Variants in MTFMT observed in about 807,000 individuals in gnomAD.
MTFMT encodes mitochondrial methionyl-tRNA formyltransferase, also known as methionyl-tRNA formyltransferase, mitochondrial.
MTFMT carries 47 observed loss-of-function variants against 51.8 expected under a neutral mutation model. That is an observed-to-expected ratio of 0.91 (90% CI 0.72 to 1.16). The LOEUF (loss-of-function observed/expected upper bound fraction) is 1.16. Ranked by LOEUF, MTFMT falls within the 50% of genes most tolerant of loss-of-function variation. The pLI is 0.00. For synonymous variants in MTFMT, 196 were observed against 176.7 expected, an observed-to-expected ratio of 1.11 and a Z score of -0.87; for missense variants, 512 against 482.3, an observed-to-expected ratio of 1.06 and a Z score of -0.58.
chr15:65,026,956 T>C lies in MTFMT; in HGVS notation c.294A>G (p.Gln98=). The change falls in exon 2 of 9, where the codon CAA becomes CAG. Residue 98 remains glutamine, a synonymous_variant. Coordinates refer to ENST00000220058, the MANE Select transcript of MTFMT (RefSeq NM_139242.4). ...SPSPKGLPVK[Q]YAVQSQLPVY... is the part of the protein sequence containing the mutation. ...CGGGAAGCTGAGACTGCACAGCATA[T>C]TGCTTCACTGGCAGTCCTTTTGGTG... 1 of 1,613,992 alleles carries C rather than the reference T, an allele frequency of 6.2e-7. No individual in the cohort carries two copies. Among genetic ancestry groups the C allele is most frequent in the Non-Finnish European group, 8.5e-7 (1 of 1,179,872 alleles).
intron 6 of MTFMT, among the ~76,000 whole-genome samples, chr15:65,008,041 G>C (rs899478202): frequency 6.6e-6 from 1 of 151,976 alleles, no homozygotes; most frequent in Non-Finnish European, 1.5e-5. Flanking sequence ...AAATTATTCA[G>C]TTGTGCTTTT....
intron 5 of MTFMT, among the ~76,000 whole-genome samples, chr15:65,018,576 T>C (rs959963993): frequency 3.5e-4 from 54 of 152,296 alleles, no homozygotes; most frequent in African/African-American, 1.3e-3. Context: ...TCTCTAATTA[T>C]CAACCCCACT....
intron 5 of MTFMT, 117 bp downstream of exon 5, chr15:65,020,080 A>G (rs2086358526): frequency 2.3e-6 from 2 of 875,206 alleles, no homozygotes; most frequent in African/African-American, 3.4e-5. Flanking sequence ...AAGCACACAA[A>G]AGTGGGCACT....
chr15:65,022,482 A>G (rs920976892), intron 3 of MTFMT, among the ~76,000 whole-genome samples: 4 of 151,814 alleles, frequency 2.6e-5, no homozygotes, highest in African/African-American at 9.7e-5. Context: ...AAATGCAAGT[A>G]TATTTGCATT....
At chr15:65,012,345 C>A (rs1031626690) in intron 6 of MTFMT, among the ~76,000 whole-genome samples, 2 of 151,566 alleles carry the variant, frequency 1.3e-5, no homozygotes, top group Non-Finnish European at 2.9e-5. Flanking sequence ...CTTTTGGGAA[C>A]TACCTTTAGA....
chr15:65,009,858 T>C (rs1595888813), intron 6 of MTFMT, among the ~76,000 whole-genome samples: 1 of 152,120 alleles, frequency 6.6e-6, no homozygotes, highest in Admixed American at 6.6e-5. Context: ...TTCACCATGT[T>C]GCCCAGACTG....
At chr15:65,008,365 G>C (rs2086235660) in intron 6 of MTFMT, among the ~76,000 whole-genome samples, 1 of 151,952 alleles carries the variant, frequency 6.6e-6, no homozygotes, top group Admixed American at 6.6e-5. Context: ...CAACATACCT[G>C]AGATCCTACA....
chr15:65,003,047 C>T lies in MTFMT; in HGVS notation c.*15G>A. On this transcript the variant is annotated 3_prime_UTR_variant, in exon 9 of 9. Transcript: ENST00000220058. ...TTACAAATATGTAATAGGTTTTTAT[C>T]CATCTTCTTCCTAACTACTCAATGC... 5 of 1,406,084 alleles carry T rather than the reference C, an allele frequency of 3.6e-6. No homozygotes were observed. Among genetic ancestry groups the T allele is most frequent in the Non-Finnish European group, 4.7e-6 (5 of 1,060,778 alleles). The allele number at this position is 1,406,084 out of a possible 1,614,324, so 87.1% of individuals were successfully genotyped here. A position where few individuals can be genotyped will look rare whatever the true frequency, so the allele number is the denominator to read the frequency against.
intron 6 of MTFMT, chr15:65,015,988 T>C (rs1279244735): frequency 6.6e-6 from 1 of 152,602 alleles, no homozygotes; most frequent in Non-Finnish European, 1.5e-5. Flanking sequence ...ACTGTTATAT[T>C]ACTACACTTG....
chr15:65,006,568 G>A (rs1053272203), intron 6 of MTFMT, among the ~76,000 whole-genome samples: 3 of 151,962 alleles, frequency 2.0e-5, no homozygotes, highest in Non-Finnish European at 4.4e-5. Context: ...AGTAGAGACG[G>A]GGTTTCACCA....
chr15:65,019,485 C>G (rs962575231), intron 5 of MTFMT, among the ~76,000 whole-genome samples: 1 of 152,090 alleles, frequency 6.6e-6, no homozygotes, highest in African/African-American at 2.4e-5. Flanking sequence ...GAAACACACT[C>G]TTTCCAAAAA....
intron 2 of MTFMT, among the ~76,000 whole-genome samples, chr15:65,025,056 C>A (rs72729006): frequency 0.016 from 2,477 of 151,784 alleles, 29 homozygotes; most frequent in Admixed American, 0.023. Flanking sequence ...CAGAAAATTA[C>A]CAGAGGATTT....
chr15:65,026,529 C>A, intron 2 of MTFMT: 1 of 306,628 alleles, frequency 3.3e-6, no homozygotes, highest in South Asian at 4.3e-5. Flanking sequence ...TCTTAAGTTA[C>A]TGGATTCAAA....
intron 3 of MTFMT, among the ~76,000 whole-genome samples, chr15:65,021,872 A>G (rs2086376775): frequency 6.6e-6 from 1 of 152,244 alleles, no homozygotes. Context: ...GTTAGACATT[A>G]GCAAGGAAGA....
rs1424664406 is a variant in MTFMT at position 65,023,745 on chromosome 15, C to T, written c.469G>A (p.Ala157Thr). The T allele has an allele frequency of 1.2e-6, 2 of 1,613,378 alleles. No homozygotes were observed. The highest frequency in any genetic ancestry group is 1.7e-6 in the Non-Finnish European group (2 of 1,179,506). The part of the protein sequence containing the change: ...PSCLPRWRGP[A>T]PVIHTVLHGD... ...TGAAGCACTGTATGGATTACAGGGG[C>T]TGGGCCACGCCATCTCGGGAGGCAA... Residue 157 changes from alanine to threonine, a missense_variant, in exon 3 of 9, where the codon GCC becomes ACC. Ala to Thr is a moderately conservative substitution (Grantham distance 58, BLOSUM62 0). Transcript: ENST00000220058.
At chr15:65,006,378 CTT>C (rs796457972) in intron 6 of MTFMT, among the ~76,000 whole-genome samples, 187 bp from the exon 7 acceptor site, 20 of 136,158 alleles carry the variant, frequency 1.5e-4, no homozygotes, top group Admixed American at 2.2e-4. Context: ...TTTATAAGAT[CTT>C]TTTTTTTTTT....
At position 65,003,020 on chromosome 15, in the gene MTFMT, A is replaced by G. The variant is rs1159362504; in HGVS notation, c.*42T>C. 1.7e-5 allele frequency: 22 copies of G among 1,261,982 alleles called. No individual in the cohort carries two copies. Among genetic ancestry groups the G allele is most frequent in the Non-Finnish European group, 2.2e-5 (21 of 944,414 alleles). The allele number at this position is 1,261,982 out of a possible 1,614,324, so 78.2% of individuals were successfully genotyped here. A position where few individuals can be genotyped will look rare whatever the true frequency, so the allele number is the denominator to read the frequency against. ...TTCCTTGTAAATAAGGTTTTTAATA[A>G]ATTACAAATATGTAATAGGTTTTTA... On this transcript the variant is annotated 3_prime_UTR_variant, in exon 9 of 9. Coordinates refer to ENST00000220058, the MANE Select transcript of MTFMT (RefSeq NM_139242.4).
intron 2 of MTFMT, 55 bp downstream of exon 2, chr15:65,026,776 T>A (rs1595893589): frequency 7.6e-7 from 1 of 1,309,144 alleles, no homozygotes; most frequent in South Asian, 1.4e-5. Context: ...ATATACAAGG[T>A]CCATTTATAA....
intron 6 of MTFMT, among the ~76,000 whole-genome samples, chr15:65,015,118 G>A (rs2086307722): frequency 6.6e-6 from 1 of 152,094 alleles, no homozygotes; most frequent in Non-Finnish European, 1.5e-5. Context: ...ACAAGATGCT[G>A]TAAATATATT....
Sources: gnomAD v4.1 joint callset for allele counts (sites outside exome capture counted in the v4.1 genomes callset) on GRCh38, gnomAD v4.1.1 for gene constraint, MANE v1.5 for transcripts, NCBI Gene and HGNC (gene_info 2026-07-23, HGNC 2026-07-21) for gene names.